Variants in LPP observed in about 807,000 individuals in gnomAD.
LPP encodes lipoma-preferred partner.
In LPP, 38 loss-of-function variants were observed where a neutral mutation model predicts 60.4. The ratio of observed to expected loss-of-function variants is 0.63; its 90% confidence interval spans 0.49 to 0.83. The LOEUF (loss-of-function observed/expected upper bound fraction) is 0.83. Ranked by LOEUF, LPP falls within the 40% of genes least tolerant of loss-of-function variation. The probability of loss-of-function intolerance (pLI) is 0.00; values close to 1 mark genes in which losing one functional copy is unlikely to be tolerated. For missense variants in LPP, 902 were observed against 783.6 expected (o/e 1.15, Z -1.80); for synonymous variants, 328 against 290.8 (o/e 1.13, Z -1.30).
rs1196525930 is a variant in LPP, at chr3:188,889,124, T to G, written c.*14645T>G. On this transcript the variant is annotated 3_prime_UTR_variant, in exon 12 of 12. Coordinates refer to ENST00000617246, the MANE Select transcript of LPP (RefSeq NM_001375462.1). Reference sequence around the variant, plus strand: ...AGAGAAAATAGAAAAGTCTTGGCTGTGGGGATTGGAAGCTCAGGGGGCCAA... The same window carrying G: ...AGAGAAAATAGAAAAGTCTTGGCTGGGGGGATTGGAAGCTCAGGGGGCCAA... 4.4e-6 allele frequency: 1 copy of G among 227,164 alleles called. No individual in the cohort carries two copies. Among genetic ancestry groups the G allele is most frequent in the Non-Finnish European group, 8.8e-6 (1 of 114,266 alleles). The allele number at this position is 227,164 out of a possible 1,614,324, so 14.1% of individuals were successfully genotyped here. A position where few individuals can be genotyped will look rare whatever the true frequency, so the allele number is the denominator to read the frequency against.
chr3:188,541,693 C>T (rs1424186064), intron 6 of LPP, among the ~76,000 whole-genome samples: 5 of 151,954 alleles, frequency 3.3e-5, no homozygotes, highest in African/African-American at 7.3e-5. Flanking sequence ...GGTCAGGAGT[C>T]CAAGACCAGA....
chr3:188,246,186 A>C (rs1220769894), intron 2 of LPP, among the ~76,000 whole-genome samples: 1 of 149,904 alleles, frequency 6.7e-6, no homozygotes, highest in East Asian at 1.9e-4. Context: ...GCTGTCTACA[A>C]CTTTTTTTTT....
intron 7 of LPP, among the ~76,000 whole-genome samples, chr3:188,612,764 T>C (rs1843992488): frequency 6.6e-6 from 1 of 152,104 alleles, no homozygotes; most frequent in Non-Finnish European, 1.5e-5. Flanking sequence ...ATTTAACCCA[T>C]TAAGGAAAAA....
At chr3:188,511,173 TTTCTA>T (rs1815433121) in intron 5 of LPP, among the ~76,000 whole-genome samples, 4 of 122,982 alleles carry the variant, frequency 3.3e-5, no homozygotes, top group Admixed American at 8.2e-5. Flanking sequence ...CCCTCCTTCC[TTTCTA>T]CCTGACTCTC....
At chr3:188,325,481 T>C (rs1429002324) in intron 2 of LPP, among the ~76,000 whole-genome samples, 2 of 152,170 alleles carry the variant, frequency 1.3e-5, no homozygotes, top group Non-Finnish European at 2.9e-5. Context: ...TTAGCTAAAG[T>C]AGCACACATA....
At chr3:188,587,718 A>G (rs938048865) in intron 6 of LPP, among the ~76,000 whole-genome samples, 1 of 152,210 alleles carries the variant, frequency 6.6e-6, no homozygotes, top group Admixed American at 6.5e-5. Flanking sequence ...ATCTGATGCA[A>G]TGTACTCAGG....
intron 5 of LPP, 69 bp from the exon 6 acceptor site, chr3:188,524,596 A>C (rs1819926506): frequency 6.7e-7 from 1 of 1,495,326 alleles, no homozygotes; most frequent in Non-Finnish European, 9.0e-7. Context: ...TTATAACTTG[A>C]GAAATTTGAA....
At chr3:188,578,728 G>A (rs746432781) in intron 6 of LPP, among the ~76,000 whole-genome samples, 8 of 151,386 alleles carry the variant, frequency 5.3e-5, no homozygotes, top group East Asian at 3.9e-4. Context: ...TTCCTCATCC[G>A]TCCGACCCTC....
intron 9 of LPP, among the ~76,000 whole-genome samples, chr3:188,819,405 A>G (rs1037433218): frequency 6.6e-6 from 1 of 152,112 alleles, no homozygotes; most frequent in Non-Finnish European, 1.5e-5. Context: ...AAAACCCTGA[A>G]TACCTATTGC....
At chr3:188,389,957 G>A (rs954478940) in intron 3 of LPP, among the ~76,000 whole-genome samples, 1 of 152,142 alleles carries the variant, frequency 6.6e-6, no homozygotes, top group Non-Finnish European at 1.5e-5. Context: ...GAGCAAACCT[G>A]GAGTTTGGCC....
chr3:188,692,371 T>C (rs560621963), intron 7 of LPP, among the ~76,000 whole-genome samples: 1 of 152,384 alleles, frequency 6.6e-6, no homozygotes, highest in South Asian at 2.1e-4. Flanking sequence ...GGAGGTCATT[T>C]ACATTTGCAT....
intron 4 of LPP, among the ~76,000 whole-genome samples, chr3:188,457,815 A>G (rs893084199): frequency 1.3e-5 from 2 of 151,294 alleles, no homozygotes; most frequent in African/African-American, 4.9e-5. Context: ...AGGCTGAGGC[A>G]GGAGAATCGC....
At position 188,885,480 on chromosome 3, in the gene LPP, GA is replaced by G. The variant is rs930399119; in HGVS notation, c.*11005del. 5.4e-6 allele frequency: 1 copy of G among 185,296 alleles called. No individual in the cohort carries two copies. The highest frequency in any genetic ancestry group is 1.1e-5 in the Non-Finnish European group (1 of 87,420). The allele number at this position is 185,296 out of a possible 1,614,324, so 11.5% of individuals were successfully genotyped here. On this transcript the variant is annotated 3_prime_UTR_variant, in exon 12 of 12. Transcript: ENST00000617246. The stretch of plus-strand genomic sequence containing the variant: ...GGTTGAGATGCACGTTCACAGACTA[GA>G]AAAGTGCCTCACCTCCATGGTGTAT...
chr3:188,847,757 A>G (rs144474336), intron 9 of LPP, among the ~76,000 whole-genome samples: 6 of 152,368 alleles, frequency 3.9e-5, no homozygotes, highest in Admixed American at 6.5e-5. Flanking sequence ...GAGTGGGCTT[A>G]TAACTGTAAA....
chr3:188,366,063 G>T (rs1183122555), intron 3 of LPP, among the ~76,000 whole-genome samples: 7 of 152,110 alleles, frequency 4.6e-5, no homozygotes, highest in Non-Finnish European at 7.4e-5. Context: ...CCTGGTCCCG[G>T]TAGCCATCAT....
At chr3:188,650,747 C>T (rs763134952) in intron 7 of LPP, among the ~76,000 whole-genome samples, 19 of 152,160 alleles carry the variant, frequency 1.2e-4, no homozygotes, top group Admixed American at 2.6e-4. Flanking sequence ...AAAGAAGGGA[C>T]TTGTATTATA....
chr3:188,658,023 A>G (rs1207796475), intron 7 of LPP, among the ~76,000 whole-genome samples: 1 of 150,964 alleles, frequency 6.6e-6, no homozygotes, highest in Non-Finnish European at 1.5e-5. Flanking sequence ...ATTACTTGAC[A>G]TATTTGTTTA....
At chr3:188,241,085 A>T (rs1289057687) in intron 2 of LPP, among the ~76,000 whole-genome samples, 5 of 152,364 alleles carry the variant, frequency 3.3e-5, no homozygotes, top group Middle Eastern at 3.4e-3. Flanking sequence ...CAGTTTTATC[A>T]GGGAAGTGTC....
chr3:188,837,382 C>CATAATAATAATAATAATAATA (rs57174980), intron 9 of LPP, among the ~76,000 whole-genome samples: 1 of 140,394 alleles, frequency 7.1e-6, no homozygotes, highest in Non-Finnish European at 1.5e-5. Context: ...CCATCTCAAA[C>CATAATAATAATAATAATAATA]ATAATAATAA....
Sources: allele counts gnomAD v4.1 joint callset (sites outside exome capture counted in the v4.1 genomes callset), GRCh38; gene constraint gnomAD v4.1.1; transcripts MANE v1.5; gene names NCBI Gene and HGNC (gene_info 2026-07-23, HGNC 2026-07-21).